LIPI: variants seen among roughly 807,000 people sequenced by gnomAD.
LIPI encodes the protein lipase I.
LIPI carries 59 observed loss-of-function variants against 50.6 expected under a neutral mutation model. The observed-to-expected ratio is 1.16, with a 90% CI of 0.94 to 1.45. LIPI has a LOEUF of 1.45. Among genes scored for constraint, LIPI ranks in the 40% most tolerant of loss-of-function variants. The pLI is 0.00. For synonymous variants in LIPI, 203 were observed against 178.2 expected, an observed-to-expected ratio of 1.14 and a Z score of -1.11; for missense variants, 586 against 536.3, an observed-to-expected ratio of 1.09 and a Z score of -0.92.
At chr21:14,200,053 C>T (rs565649736) in intron 1 of LIPI, among the ~76,000 whole-genome samples, 29 of 152,146 alleles carry the variant, frequency 1.9e-4, no homozygotes, top group African/African-American at 6.5e-4. Flanking sequence ...AATTCAACAT[C>T]GCTTCATGCT....
intron 4 of LIPI, among the ~76,000 whole-genome samples, chr21:14,172,518 A>G (rs2018951160): frequency 6.6e-6 from 1 of 151,394 alleles, no homozygotes; most frequent in Admixed American, 6.6e-5. Flanking sequence ...CATATACACC[A>G]TGGAATACTA....
intron 4 of LIPI, among the ~76,000 whole-genome samples, chr21:14,176,653 C>T (rs992970456): frequency 3.1e-4 from 45 of 146,054 alleles, no homozygotes; most frequent in African/African-American, 1.1e-3. Context: ...ATTATGATTT[C>T]TACACTTTGA....
chr21:14,117,559 G>C (rs185498037), intron 9 of LIPI, among the ~76,000 whole-genome samples: 96 of 152,290 alleles, frequency 6.3e-4, no homozygotes, highest in African/African-American at 2.2e-3. Context: ...AGGAATAAAG[G>C]CTGGAGGGAA....
chr21:14,189,000 T>C, intron 2 of LIPI, 34 bp downstream of exon 2: 1 of 1,517,744 alleles, frequency 6.6e-7, no homozygotes. Flanking sequence ...ATATATTGTA[T>C]AGCATGTATA....
intron 4 of LIPI, among the ~76,000 whole-genome samples, chr21:14,172,848 C>T (rs1016057006): frequency 1.1e-4 from 17 of 150,950 alleles, no homozygotes; most frequent in Non-Finnish European, 2.5e-4. Flanking sequence ...CACATGTACC[C>T]TAAAACTTAA....
At chr21:14,162,655 C>A (rs1000744079) in intron 7 of LIPI, among the ~76,000 whole-genome samples, 1 of 151,728 alleles carries the variant, frequency 6.6e-6, no homozygotes, top group Non-Finnish European at 1.5e-5. Flanking sequence ...AAATGGACAG[C>A]CCCAATTCTG....
intron 9 of LIPI, among the ~76,000 whole-genome samples, chr21:14,132,009 C>T (rs772375216): frequency 6.6e-6 from 1 of 151,984 alleles, no homozygotes; most frequent in South Asian, 2.1e-4. Flanking sequence ...AAAAATAATC[C>T]AGTCGGGCAA....
At chr21:14,159,429 C>T (rs1235311289) in intron 7 of LIPI, among the ~76,000 whole-genome samples, 1 of 151,260 alleles carries the variant, frequency 6.6e-6, no homozygotes, top group Non-Finnish European at 1.5e-5. Flanking sequence ...GCATAAAAAG[C>T]ATATGGCAAA....
At chr21:14,174,680 A>G (rs2019034603) in intron 4 of LIPI, among the ~76,000 whole-genome samples, 1 of 152,110 alleles carries the variant, frequency 6.6e-6, no homozygotes, top group African/African-American at 2.4e-5. Context: ...CAGCCTCCCA[A>G]GTAGCTGGGA....
chr21:14,193,520 G>A (rs1388623803), intron 1 of LIPI, among the ~76,000 whole-genome samples: 1 of 152,080 alleles, frequency 6.6e-6, no homozygotes, highest in Non-Finnish European at 1.5e-5. Flanking sequence ...TAGATTTAAA[G>A]ACATATAGGC....
At chr21:14,174,761 G>C (rs2019037265) in intron 4 of LIPI, among the ~76,000 whole-genome samples, 3 of 152,098 alleles carry the variant, frequency 2.0e-5, no homozygotes. Context: ...CACCATGCCA[G>C]CCAGGCTGGT....
intron 8 of LIPI, among the ~76,000 whole-genome samples, chr21:14,148,389 C>CA (rs2017978036): frequency 6.6e-6 from 1 of 152,122 alleles, no homozygotes; most frequent in African/African-American, 2.4e-5. Context: ...ATCTTAAAGA[C>CA]AATTAAAATC....
intron 9 of LIPI, among the ~76,000 whole-genome samples, chr21:14,129,803 T>C (rs867620459): frequency 3.6e-5 from 5 of 138,410 alleles, no homozygotes; most frequent in African/African-American, 1.5e-4. Context: ...TAATTGTTTT[T>C]TTTTTTAAAA....
intron 1 of LIPI, among the ~76,000 whole-genome samples, chr21:14,203,369 A>G (rs1181848242): frequency 6.6e-6 from 1 of 152,174 alleles, no homozygotes; most frequent in African/African-American, 2.4e-5. Context: ...ATGCTGCTAT[A>G]AAGATACATA....
chr21:14,206,416 A>G (rs1427804717), intron 1 of LIPI, among the ~76,000 whole-genome samples: 2 of 152,074 alleles, frequency 1.3e-5, no homozygotes, highest in East Asian at 3.8e-4. Context: ...TTGTCTTGCA[A>G]TTTTCAGTGT....
intron 9 of LIPI, among the ~76,000 whole-genome samples, chr21:14,126,068 G>T (rs192363128): frequency 4.6e-5 from 7 of 152,094 alleles, no homozygotes; most frequent in African/African-American, 1.4e-4. Flanking sequence ...TTTGGGTTTA[G>T]GAGAACGTGG....
chr21:14,188,984 C>T (rs374130937), intron 2 of LIPI, 50 bp downstream of exon 2: 457 of 1,375,968 alleles, frequency 3.3e-4, no homozygotes, highest in Non-Finnish European at 4.4e-4. Context: ...TTGTATAGCA[C>T]GTATAATATA....
intron 1 of LIPI, among the ~76,000 whole-genome samples, chr21:14,198,347 C>T (rs572723243): frequency 2.2e-4 from 34 of 152,140 alleles, no homozygotes; most frequent in African/African-American, 8.2e-4. Flanking sequence ...GTGCCAAGAC[C>T]CATTTGTATG....
intron 9 of LIPI, among the ~76,000 whole-genome samples, chr21:14,125,501 C>G (rs527558222): frequency 3.9e-4 from 60 of 152,282 alleles, no homozygotes; most frequent in African/African-American, 1.1e-3. Flanking sequence ...GAACAAAGGA[C>G]AGATGGACCG....
Sources: allele counts gnomAD v4.1 joint callset (sites outside exome capture counted in the v4.1 genomes callset), GRCh38; gene constraint gnomAD v4.1.1; transcripts MANE v1.5; gene names NCBI Gene and HGNC (gene_info 2026-07-23, HGNC 2026-07-21).